Variants in MRTFB observed in about 807,000 individuals in gnomAD.
The protein encoded by MRTFB is myocardin-related transcription factor B.
A neutral mutation model predicts 104.2 loss-of-function variants in MRTFB; 29 were observed. The observed-to-expected ratio is 0.28, with a 90% CI of 0.21 to 0.38. The LOEUF is 0.38. Ranked by LOEUF, MRTFB falls within the 10% of genes least tolerant of loss-of-function variation. The pLI is 1.00. For synonymous variants in MRTFB, 535 were observed against 519.5 expected (o/e 1.03, Z -0.41); for missense variants, 1,270 against 1,341.6 (o/e 0.95, Z 0.83).
chr16:14,071,720 C>T (rs532919603), intron 1 of MRTFB, among the ~76,000 whole-genome samples: 16 of 152,180 alleles, frequency 1.1e-4, no homozygotes, highest in Admixed American at 2.6e-4. Context: ...GCTTGCACGC[C>T]GGGGCTGCAC....
chr16:14,027,316 G>A, the MRTFB span, among the ~76,000 whole-genome samples: 48 of 152,292 alleles, frequency 3.2e-4, 1 homozygote, highest in African/African-American at 1.1e-3. Flanking sequence ...TTTATATAAT[G>A]TCTTCAAACA....
chr16:14,181,900 G>A (rs2039783120), intron 3 of MRTFB, among the ~76,000 whole-genome samples: 2 of 152,190 alleles, frequency 1.3e-5, no homozygotes, highest in Admixed American at 6.5e-5. Flanking sequence ...TCTGCCTGGG[G>A]TGGTGGGAAA....
chr16:14,200,758 A>G, intron 3 of MRTFB: 3 of 1,480,466 alleles, frequency 2.0e-6, no homozygotes, highest in Non-Finnish European at 2.8e-6. Flanking sequence ...TTGCCTGTCC[A>G]GTGCTGTGGG....
the MRTFB span, among the ~76,000 whole-genome samples, chr16:13,996,069 C>T: frequency 3.9e-5 from 6 of 152,040 alleles, no homozygotes; most frequent in African/African-American, 9.7e-5. Context: ...GTCCAGAGTC[C>T]GAGACCAGCC....
In MRTFB at chr16:14,112,562, A is replaced by G. The variant is rs980623973; in HGVS notation, c.-63-27982A>G. ...AAGCAGTGTCTTCCAGGTGAGAGCC[A>G]GGTTTCCCTGCTTCTTCTCTTATTC... On this transcript the variant is annotated intron_variant, in intron 2 of 16. Transcript: ENST00000571589. Among the ~76,000 whole-genome samples the G allele has an allele frequency of 6.2e-4, 94 of 152,238 alleles. 1 individual carries two copies. Among genetic ancestry groups the G allele is most frequent in the Admixed American group, 2.6e-4 (4 of 15,290 alleles).
At chr16:14,053,054 G>A in the MRTFB span, among the ~76,000 whole-genome samples, 2 of 151,976 alleles carry the variant, frequency 1.3e-5, no homozygotes, top group Non-Finnish European at 1.5e-5. Flanking sequence ...TTTCATTCTT[G>A]TTTATGGCTG....
At chr16:14,256,680 A>T (rs1395848535) in intron 15 of MRTFB, among the ~76,000 whole-genome samples, 3 of 152,392 alleles carry the variant, frequency 2.0e-5, no homozygotes, top group Admixed American at 6.5e-5. Context: ...AACCTGACCA[A>T]CATCCTGGCT....
intron 2 of MRTFB, among the ~76,000 whole-genome samples, chr16:14,115,752 G>A (rs1483571299): frequency 1.3e-5 from 2 of 152,106 alleles, no homozygotes; most frequent in African/African-American, 4.8e-5. Context: ...GGTCAGGTTG[G>A]GCCACAGGTG....
chr16:13,998,880 A>G, the MRTFB span, among the ~76,000 whole-genome samples: 4 of 86,622 alleles, frequency 4.6e-5, no homozygotes, highest in East Asian at 1.1e-3. Context: ...TCAAAAAAAA[A>G]AAAAAAAAAA....
At chr16:14,215,858 G>A (rs1178377187) in intron 6 of MRTFB, among the ~76,000 whole-genome samples, 2 of 152,130 alleles carry the variant, frequency 1.3e-5, no homozygotes, top group African/African-American at 4.8e-5. Context: ...CACATCAATC[G>A]GAGCTTTAAA....
At chr16:14,247,537 C>G (rs987577424) in intron 12 of MRTFB, 30 bp downstream of exon 12, 2 of 1,517,018 alleles carry the variant, frequency 1.3e-6, no homozygotes, top group Non-Finnish European at 8.8e-7. Flanking sequence ...ACTACTTTGC[C>G]TTACAGCATG....
At chr16:13,997,205 A>G in the MRTFB span, among the ~76,000 whole-genome samples, 1 of 152,218 alleles carries the variant, frequency 6.6e-6, no homozygotes, top group Non-Finnish European at 1.5e-5. Flanking sequence ...CATGGGGGGC[A>G]TCTCAAATGT....
chr16:14,230,277 G>C (rs9796822), intron 8 of MRTFB, among the ~76,000 whole-genome samples: 16,088 of 152,016 alleles, frequency 0.11, 1,830 homozygotes, highest in African/African-American at 0.28. Context: ...CCAAAATTGA[G>C]AAATGGGATC....
chr16:14,027,114 G>A, the MRTFB span, among the ~76,000 whole-genome samples: 31 of 152,260 alleles, frequency 2.0e-4, no homozygotes, highest in East Asian at 3.5e-3. Flanking sequence ...AATATTCACA[G>A]CAGCTTTATT....
chr16:14,231,820 A>AT (rs2042281952), intron 8 of MRTFB, among the ~76,000 whole-genome samples: 1 of 152,152 alleles, frequency 6.6e-6, no homozygotes. Context: ...ACGGGAACGG[A>AT]GGGGCTTTTG....
At chr16:14,165,695 T>C (rs754945647) in intron 3 of MRTFB, among the ~76,000 whole-genome samples, 30 of 152,210 alleles carry the variant, frequency 2.0e-4, no homozygotes, top group Non-Finnish European at 3.2e-4. Flanking sequence ...GACACCATCT[T>C]CCAACACTCC....
chr16:14,107,335 C>G (rs9931690), intron 2 of MRTFB, among the ~76,000 whole-genome samples: 35,388 of 152,092 alleles, frequency 0.23, 7,771 homozygotes, highest in African/African-American at 0.57. Flanking sequence ...TTCTGGGGCT[C>G]ACGCCTAGAA....
chr16:14,205,221 T>A (rs1218345021), intron 3 of MRTFB, among the ~76,000 whole-genome samples: 1 of 152,216 alleles, frequency 6.6e-6, no homozygotes, highest in Non-Finnish European at 1.5e-5. Context: ...TATTTCCATA[T>A]TTTGTGTAAT....
chr16:14,117,852 T>C (rs2036621153), intron 2 of MRTFB, among the ~76,000 whole-genome samples: 1 of 152,200 alleles, frequency 6.6e-6, no homozygotes, highest in African/African-American at 2.4e-5. Context: ...AAGCCATTCA[T>C]AGGTTTAATA....
Sources: allele counts gnomAD v4.1 joint callset (sites outside exome capture counted in the v4.1 genomes callset), GRCh38; gene constraint gnomAD v4.1.1; transcripts MANE v1.5; gene names NCBI Gene and HGNC (gene_info 2026-07-23, HGNC 2026-07-21).